The following RBFOX2 variants were observed in gnomAD, a reference collection of about 807,000 sequenced individuals.
RBFOX2 encodes RNA binding fox-1 homolog 2.
RBFOX2 carries 10 observed loss-of-function variants against 49.1 expected under a neutral mutation model. The observed-to-expected ratio is 0.20, with a 90% CI of 0.13 to 0.35. The LOEUF (loss-of-function observed/expected upper bound fraction) is 0.35, where lower values mean the gene tolerates loss of function less well. Among genes scored for constraint, RBFOX2 ranks in the 10% least tolerant of loss-of-function variants. The probability of loss-of-function intolerance (pLI) is 1.00; values close to 1 mark genes in which losing one functional copy is unlikely to be tolerated. For missense variants in RBFOX2, 323 were observed against 486.9 expected, an observed-to-expected ratio of 0.66 and a Z score of 3.17; for synonymous variants, 183 against 187.4, an observed-to-expected ratio of 0.98 and a Z score of 0.19.
At chr22:36,027,993 C>A (rs2059513063) in intron 1 of RBFOX2, among the ~76,000 whole-genome samples, 1 of 152,120 alleles carries the variant, frequency 6.6e-6, no homozygotes, top group Admixed American at 6.5e-5. Flanking sequence ...CCCCCCAAAA[C>A]CTATCCACTC....
intron 1 of RBFOX2, among the ~76,000 whole-genome samples, chr22:35,814,728 A>G (rs1032831502): frequency 2.7e-5 from 4 of 150,300 alleles, no homozygotes; most frequent in East Asian, 3.9e-4. Context: ...AAAAAAAAAA[A>G]AAAAAAAAGA....
intron 1 of RBFOX2, among the ~76,000 whole-genome samples, chr22:35,955,822 G>A (rs898432996): frequency 6.6e-6 from 1 of 152,076 alleles, no homozygotes; most frequent in Non-Finnish European, 1.5e-5. Flanking sequence ...GAGGATGGCT[G>A]GATTCTCATA....
intron 1 of RBFOX2, among the ~76,000 whole-genome samples, chr22:35,831,923 G>A (rs557747577): frequency 6.6e-6 from 1 of 152,310 alleles, no homozygotes; most frequent in East Asian, 1.9e-4. Flanking sequence ...GATACTAAAA[G>A]ACAGGTAGAT....
chr22:35,978,751 G>C (rs1315509261), intron 1 of RBFOX2, among the ~76,000 whole-genome samples: 1 of 152,162 alleles, frequency 6.6e-6, no homozygotes, highest in Non-Finnish European at 1.5e-5. Flanking sequence ...TAATCCATGA[G>C]TCCATTTGAT....
rs1239173650 is a variant in RBFOX2 at position 35,890,243 on chromosome 22, TCTCTA to T, written c.-34+48599_-34+48603del. ...GAATTCAGGTTTCCTTATTTTCATTTCTCTACTCTAGCCTTGTACCATGCTGAATG... is the reference window on the plus strand; with the variant it reads ...GAATTCAGGTTTCCTTATTTTCATTTCTCTAGCCTTGTACCATGCTGAATG... On this transcript the variant is annotated intron_variant, in intron 1 of 13. Coordinates refer to the RBFOX2 transcript ENST00000359369. Among the ~76,000 whole-genome samples the T allele has an allele frequency of 5.3e-5, 8 of 152,260 alleles. No homozygotes were observed. The East Asian group carries it at 5.8e-4, about 11-fold the overall frequency.
rs557412113 is a variant in RBFOX2 at position 35,814,381 on chromosome 22, T to C, written c.28-4377A>G. ...TATAATACCTAGTACAATGTAAATG[T>C]TATGTAAATAGTTGTTATGCTGTAG... is the stretch of plus-strand genomic sequence containing the variant. On this transcript the variant is annotated intron_variant, in intron 1 of 11. Coordinates refer to ENST00000405409, the Ensembl canonical transcript of RBFOX2. Among the ~76,000 whole-genome samples, 3 of 152,146 alleles carry C rather than the reference T, an allele frequency of 2.0e-5. No individual in the cohort carries two copies. In the South Asian group the frequency reaches 6.2e-4, roughly 32 times the overall value.
intron 1 of RBFOX2, chr22:35,993,065 A>G (rs1048131019): frequency 1.3e-5 from 2 of 152,250 alleles, no homozygotes; most frequent in Admixed American, 1.3e-4. Flanking sequence ...ATGTCCAAAC[A>G]GCTTTATTCC....
chr22:35,879,308 T>G (rs1437859122), intron 1 of RBFOX2, among the ~76,000 whole-genome samples: 1 of 152,204 alleles, frequency 6.6e-6, no homozygotes, highest in Non-Finnish European at 1.5e-5. Flanking sequence ...ACAGTCTTTT[T>G]TTCCTTGTCA....
At chr22:35,786,232 T>A (rs1250428443) in intron 2 of RBFOX2, among the ~76,000 whole-genome samples, 1 of 152,242 alleles carries the variant, frequency 6.6e-6, no homozygotes, top group Non-Finnish European at 1.5e-5. Flanking sequence ...TCTTTGCTTC[T>A]CTGAAGACAC....
At chr22:35,810,035 G>C (rs1201090663) in intron 1 of RBFOX2, 31 bp from the exon 3 acceptor site, 16 of 1,603,124 alleles carry the variant, frequency 1.0e-5, no homozygotes, top group African/African-American at 4.0e-5. Flanking sequence ...AAGAAAAAGT[G>C]ACTTTGAATC....
chr22:36,013,650 G>C (rs1387873197), intron 1 of RBFOX2, among the ~76,000 whole-genome samples: 473 of 143,082 alleles, frequency 3.3e-3, no homozygotes, highest in African/African-American at 6.0e-3. Flanking sequence ...CACACACACA[G>C]AGAGAGAGAG....
intron 1 of RBFOX2, among the ~76,000 whole-genome samples, chr22:35,832,015 T>C (rs986488068): frequency 5.9e-5 from 9 of 152,208 alleles, no homozygotes; most frequent in Non-Finnish European, 1.2e-4. Flanking sequence ...TTCAAGGTAA[T>C]ATCCCTTCAT....
intron 4 of RBFOX2, among the ~76,000 whole-genome samples, chr22:35,771,419 A>G (rs557852901): frequency 1.2e-4 from 19 of 152,168 alleles, no homozygotes; most frequent in Admixed American, 7.2e-4. Context: ...GAGAAAACAG[A>G]TGATCCCTTA....
At chr22:35,940,644 A>G (rs2053597428), upstream of RBFOX2, among the ~76,000 whole-genome samples, 1 of 152,220 alleles carries the variant, frequency 6.6e-6, no homozygotes, top group African/African-American at 2.4e-5. Context: ...ATGAATGTTC[A>G]TAGCAGCATT....
intron 1 of RBFOX2, among the ~76,000 whole-genome samples, chr22:35,867,515 C>A (rs2043830990): frequency 6.6e-6 from 1 of 152,158 alleles, no homozygotes; most frequent in Non-Finnish European, 1.5e-5. Context: ...CAATTGCTCA[C>A]ACCATAGGAC....
chr22:35,866,821 C>G (rs2043738076), intron 1 of RBFOX2, among the ~76,000 whole-genome samples: 1 of 152,180 alleles, frequency 6.6e-6, no homozygotes, highest in African/African-American at 2.4e-5. Flanking sequence ...CACTTCACTC[C>G]CACTCACGCC....
intron 1 of RBFOX2, chr22:36,000,310 TATTTCTTATAACA>T: frequency 6.6e-6 from 1 of 152,154 alleles, no homozygotes; most frequent in Non-Finnish European, 1.5e-5. Context: ...CCAAAAGTTG[TATTTCTTATAACA>T]ATGCTAAAAC....
chr22:35,930,689 GT>G (rs2052292821), intron 1 of RBFOX2, among the ~76,000 whole-genome samples: 1 of 152,080 alleles, frequency 6.6e-6, no homozygotes, highest in East Asian at 1.9e-4. Flanking sequence ...AAGTAGTCGG[GT>G]TTGGTGGTGT....
At chr22:35,841,099 A>G (rs1958694008), upstream of RBFOX2, among the ~76,000 whole-genome samples, 1 of 152,220 alleles carries the variant, frequency 6.6e-6, no homozygotes, top group Non-Finnish European at 1.5e-5. Context: ...AAAGGTGTCT[A>G]CAAATATGAC....
Sources: allele counts gnomAD v4.1 joint callset (sites outside exome capture counted in the v4.1 genomes callset), GRCh38; gene constraint gnomAD v4.1.1; transcripts MANE v1.5; gene names NCBI Gene and HGNC (gene_info 2026-07-23, HGNC 2026-07-21).